Variants in IQCN observed in about 807,000 individuals in gnomAD.
The protein encoded by IQCN is IQ motif containing N.
In IQCN, 46 loss-of-function variants were observed where a neutral mutation model predicts 64.4. The ratio of observed to expected loss-of-function variants is 0.71; its 90% CI spans 0.56 to 0.91. The LOEUF is 0.91. Ranked by LOEUF, IQCN falls within the 40% of genes least tolerant of loss-of-function variation. The pLI is 0.00. For missense variants in IQCN, 1,753 were observed against 1,857.4 expected (o/e 0.94, Z 1.03); for synonymous variants, 733 against 775.6 (o/e 0.95, Z 0.91).
At chr19:18,273,907 A>G (rs1600141221) in intron 1 of IQCN, among the ~76,000 whole-genome samples, 1 of 151,796 alleles carries the variant, frequency 6.6e-6, no homozygotes, top group African/African-American at 2.4e-5. Flanking sequence ...TTTTGAGTAA[A>G]CCCCTCTGAG....
chr19:18,266,509 G>A lies in IQCN; in HGVS notation c.1031C>T (p.Pro344Leu). The change falls in exon 3 of 4, where the codon CCA becomes CTA. Residue 344 changes from proline to leucine, a missense_variant. Pro to Leu is a moderately conservative substitution (Grantham distance 98). Transcript: ENST00000392413. The surrounding 1 kb of genome is among the most constrained non-coding windows in gnomAD (Gnocchi z 4.3). The stretch of plus-strand genomic sequence containing the variant: ...CTGTGGCAGGGTCACGGAGACCACT[G>A]GATATGTCTGGAGTAGAGTCTTGGT... Reference protein sequence around the residue: ...MITKTLLQTYPVVSVTLPQTY... With the variant: ...MITKTLLQTYLVVSVTLPQTY... The A allele has an allele frequency of 1.9e-6, 3 of 1,606,742 alleles. No individual in the cohort carries two copies. Among genetic ancestry groups the A allele is most frequent in the Non-Finnish European group, 2.6e-6 (3 of 1,175,670 alleles).
At chr19:18,273,639 T>C (rs1456543234) in intron 1 of IQCN, among the ~76,000 whole-genome samples, 1 of 152,198 alleles carries the variant, frequency 6.6e-6, no homozygotes, top group African/African-American at 2.4e-5. Flanking sequence ...GCCTAATTTT[T>C]GAATTTTTAG....
At chr19:18,268,981 A>AAAAG (rs1555700823) in intron 2 of IQCN, among the ~76,000 whole-genome samples, 30 of 147,584 alleles carry the variant, frequency 2.0e-4, no homozygotes, top group African/African-American at 5.3e-4. Context: ...AAAAAAAAAA[A>AAAAG]GAGCCAGGTA....
At chr19:18,260,821 C>G (rs1225183610) in intron 3 of IQCN, 2 of 152,800 alleles carry the variant, frequency 1.3e-5, no homozygotes, top group Non-Finnish European at 2.9e-5. Flanking sequence ...GATGGCTGGG[C>G]TGGGCTTAAG....
intron 3 of IQCN, chr19:18,258,312 A>G (rs762674477): frequency 1.4e-6 from 1 of 709,532 alleles, no homozygotes; most frequent in South Asian, 1.5e-5. Flanking sequence ...CCCAGTGCGG[A>G]TGACGGGCCT....
intron 3 of IQCN, among the ~76,000 whole-genome samples, chr19:18,263,353 G>A (rs371031628): frequency 4.3e-4 from 66 of 152,298 alleles, no homozygotes; most frequent in African/African-American, 1.4e-3. Flanking sequence ...TCACCGTCTC[G>A]ATCCTGTGGC....
intron 1 of IQCN, among the ~76,000 whole-genome samples, chr19:18,273,176 C>T (rs997109644): frequency 6.6e-6 from 1 of 151,838 alleles, no homozygotes; most frequent in Non-Finnish European, 1.5e-5. Context: ...GGATTACAGG[C>T]ACTTGCCACC....
Position 18,266,215 on chromosome 19 carries a change from G to A in IQCN, c.1325C>T (p.Pro442Leu). The change falls in exon 3 of 4, where the codon CCC (proline) becomes CTC (leucine). Residue 442 changes from proline to leucine, a missense_variant. Transcript: ENST00000392413. This position sits in a 1 kb window ranked among gnomAD's most constrained non-coding sequence, Gnocchi z 4.3. ...CATCGCAGGCCCCGGGCATACCTGG[G>A]GCAGGCTCTTCATGATGGAAGCCAG... ...SLLASIMKSLPQVCPGPAMAK... is the reference protein window; with the variant it reads ...SLLASIMKSLLQVCPGPAMAK... 1 of 1,614,112 alleles carries A rather than the reference G, an allele frequency of 6.2e-7. No individual in the cohort carries two copies. Among genetic ancestry groups the A allele is most frequent in the Non-Finnish European group, 8.5e-7 (1 of 1,180,008 alleles).
At position 18,265,587 on chromosome 19, in the gene IQCN, T is replaced by C. The variant is rs1377826055; in HGVS notation, c.1953A>G (p.Val651=). Residue 651 remains valine, a synonymous_variant, in exon 3 of 4, where the codon GTA becomes GTG. Transcript: ENST00000392413. This position sits in a 1 kb window ranked among gnomAD's most constrained non-coding sequence, Gnocchi z 4.7. ...CCCGGGGCAGGGTGACAGCCATGTC[T>C]ACAGGCACATACACGTGAGGTGGCT... ...GDKPPHVYVP[V]DMAVTLPRGQ... is the part of the protein sequence containing the mutation. The C allele has an allele frequency of 6.2e-7, 1 of 1,613,432 alleles. No individual in the cohort carries two copies. The highest frequency in any genetic ancestry group is 1.7e-5 in the Admixed American group (1 of 59,998).
At position 18,257,282 on chromosome 19, in the gene IQCN, C is replaced by T. The variant is rs1490944670; in HGVS notation, c.4002G>A (p.Trp1334Ter). 1.2e-6 allele frequency: 2 copies of T among 1,613,700 alleles called. No individual in the cohort carries two copies. Among genetic ancestry groups the T allele is most frequent in the Non-Finnish European group, 1.7e-6 (2 of 1,180,026 alleles). Residue 1334 changes from tryptophan (W) to a stop codon, truncating the protein, a stop_gained, in exon 4 of 4, where the codon TGG becomes TGA. Coordinates refer to ENST00000392413, the MANE Select transcript of IQCN (RefSeq NM_001145304.2). LOFTEE classifies it low-confidence loss of function (END_TRUNC). ...QMAAKIVQAT[W>*]RGHHTRSCLK... is the part of the protein sequence containing the mutation. Reference sequence around the variant, plus strand: ...GACAGCTCCGGGTATGGTGGCCTCGCCAGGTGGCTTGAACTATCTTCGCTG... The same window carrying T: ...GACAGCTCCGGGTATGGTGGCCTCGTCAGGTGGCTTGAACTATCTTCGCTG...
At position 18,263,048 on chromosome 19, in the gene IQCN, C is replaced by T. The variant is rs558468720; in HGVS notation, c.3177+1315G>A. On this transcript the variant is annotated intron_variant, in intron 3 of 3. Transcript: ENST00000392413. ...TGTGTTGGAAACTGGGCACTTTCTCCGAGGCTGGAGTGGGCCGGTAGGGGA... is the reference window on the plus strand; with the variant it reads ...TGTGTTGGAAACTGGGCACTTTCTCTGAGGCTGGAGTGGGCCGGTAGGGGA... Among the ~76,000 whole-genome samples, 7 of 152,288 alleles carry T rather than the reference C, an allele frequency of 4.6e-5. No individual in the cohort carries two copies. In the South Asian group the frequency reaches 1.4e-3, roughly 32 times the overall value.
At position 18,264,262 on chromosome 19, in the gene IQCN, A is replaced by AC; in HGVS notation, c.3177+100dup. On this transcript the variant is annotated intron_variant, in intron 3 of 3. Transcript: ENST00000392413. This position sits in a 1 kb window ranked among gnomAD's most constrained non-coding sequence, Gnocchi z 4.3. ...ACAGTGACCACAGATAAGCAGGGTGACCCCCACAAGATGGCCCCATCAATC... is the reference window on the plus strand; with the variant it reads ...ACAGTGACCACAGATAAGCAGGGTGACCCCCCACAAGATGGCCCCATCAATC... 9.9e-7 allele frequency: 1 copy of AC among 1,014,056 alleles called. No individual in the cohort carries two copies. 62.8% of individuals were successfully genotyped at this position (1,014,056 alleles called of 1,614,324 possible). A position where few individuals can be genotyped will look rare whatever the true frequency, so the allele number is the denominator to read the frequency against.
At position 18,257,298 on chromosome 19, in the gene IQCN, A is replaced by G. The variant is rs61740689; in HGVS notation, c.3986T>C (p.Ile1329Thr). Residue 1329 changes from isoleucine (I) to threonine (T), a missense_variant, in exon 4 of 4, where the codon ATA becomes ACA. Transcript: ENST00000392413. ...GTGGCCTCGCCAGGTGGCTTGAACT[A>G]TCTTCGCTGCCATTTGCTGCTGCCT... ...QMRQQQMAAK[I>T]VQATWRGHHT... The G allele has an allele frequency of 2.0e-3, 3,169 of 1,613,572 alleles. 58 individuals are homozygous for G. In the African/African-American group the frequency reaches 0.038, roughly 19 times the overall value.
In IQCN at chr19:18,271,252, G is replaced by A. The variant is rs1050991136; in HGVS notation, c.-109-1665C>T. The stretch of plus-strand genomic sequence containing the variant: ...TGGGAGGCCGAGGTGGGTGGCTCAC[G>A]TGAGGTCAGGAGTTCAAGACCAGCC... On this transcript the variant is annotated intron_variant, in intron 1 of 3. Coordinates refer to ENST00000392413, the MANE Select transcript of IQCN (RefSeq NM_001145304.2). Among the ~76,000 whole-genome samples, 14 of 146,674 alleles carry A rather than the reference G, an allele frequency of 9.5e-5. No individual in the cohort carries two copies. The South Asian group carries it at 1.1e-3, about 11-fold the overall frequency.
In IQCN at chr19:18,267,135, C is replaced by G. The variant is rs753887241; in HGVS notation, c.405G>C (p.Glu135Asp). Reference protein sequence around the residue: ...SQMMAAKAIQEAWRRFNKRHI... With the variant: ...SQMMAAKAIQDAWRRFNKRHI... ...GTCTCTTGTTGAAGCGCCGCCAGGC[C>G]TCCTGGATGGCCTTGGCCGCCATCA... The change falls in exon 3 of 4, where the codon GAG becomes GAC. Residue 135 changes from glutamate to aspartate, a missense_variant. Physicochemically the swap from Glu to Asp is conservative, Grantham distance 45. Coordinates refer to ENST00000392413, the MANE Select transcript of IQCN (RefSeq NM_001145304.2). 8.7e-6 allele frequency: 14 copies of G among 1,614,246 alleles called. No individual in the cohort carries two copies. Among genetic ancestry groups the G allele is most frequent in the Non-Finnish European group, 1.2e-5 (14 of 1,180,048 alleles).
chr19:18,272,126 C>CT (rs559386472), intron 1 of IQCN, among the ~76,000 whole-genome samples: 9,773 of 122,022 alleles, frequency 0.08, 508 homozygotes, highest in Middle Eastern at 0.22. Flanking sequence ...CGCGCCTGGC[C>CT]TTTTTTTTTT....
At chr19:18,262,384 C>T (rs1969449806) in intron 3 of IQCN, 1 of 152,726 alleles carries the variant, frequency 6.5e-6, no homozygotes, top group Non-Finnish European at 1.5e-5. Context: ...GATGGGTAGT[C>T]TGGACTTGGA....
At position 18,257,792 on chromosome 19, in the gene IQCN, C is replaced by A; in HGVS notation, c.3492G>T (p.Thr1164=). 1 of 1,610,934 alleles carries A rather than the reference C, an allele frequency of 6.2e-7. No individual in the cohort carries two copies. Among genetic ancestry groups the A allele is most frequent in the South Asian group, 1.1e-5 (1 of 90,928 alleles). The stretch of plus-strand genomic sequence containing the variant: ...AGCCGCGCCAGGCAGACTGGATGGT[C>A]GTGGTGGCTCTGCAGAGGTGTGCCA... ...RNLAHLCRAT[T]TIQSAWRGYS... The change falls in exon 4 of 4, where the codon ACG becomes ACT. Residue 1164 remains threonine (T), a synonymous_variant. Coordinates refer to ENST00000392413, the MANE Select transcript of IQCN (RefSeq NM_001145304.2).
At chr19:18,258,489 G>A (rs1969362164) in intron 3 of IQCN, 2 of 479,798 alleles carry the variant, frequency 4.2e-6, no homozygotes, top group South Asian at 3.1e-5. Context: ...AGGGCCCATG[G>A]CGTCCCAGCG....
Sources: allele counts gnomAD v4.1 joint callset (sites outside exome capture counted in the v4.1 genomes callset), GRCh38; gene constraint gnomAD v4.1.1; non-coding constraint Gnocchi (gnomAD v3.1); transcripts MANE v1.5; gene names NCBI Gene and HGNC (gene_info 2026-07-23, HGNC 2026-07-21).